The following CAST variants were observed in gnomAD, a reference collection of about 807,000 sequenced individuals.
CAST encodes MIR583 host.
Under a neutral mutation model 119.6 loss-of-function variants are expected in CAST, and 76 were observed. The observed-to-expected ratio is 0.64, with a 90% CI of 0.53 to 0.77. The LOEUF is 0.77. Ranked by LOEUF, CAST falls within the 30% of genes least tolerant of loss-of-function variation. CAST has a pLI of 0.00. For synonymous variants in CAST, 319 were observed against 331.6 expected (o/e 0.96, Z 0.41); for missense variants, 953 against 946.5 (o/e 1.01, Z -0.09).
the CAST span, among the ~76,000 whole-genome samples, chr5:96,067,748 T>G: frequency 6.6e-6 from 1 of 152,174 alleles, no homozygotes; most frequent in African/African-American, 2.4e-5. Context: ...ATGTGAGGTT[T>G]AGATTTGACT....
At chr5:96,534,714 G>GGAAGGA (rs1554066221) in intron 1 of CAST, among the ~76,000 whole-genome samples, 1 of 13,964 alleles carries the variant, frequency 7.2e-5, no homozygotes, top group African/African-American at 1.8e-4. Flanking sequence ...AAGGAAGGAA[G>GGAAGGA]GAGAGAGAGA....
chr5:96,622,415 A>G (rs546104603), intron 1 of CAST, among the ~76,000 whole-genome samples: 2 of 152,192 alleles, frequency 1.3e-5, no homozygotes, highest in Non-Finnish European at 2.9e-5. Context: ...TCAGCCTTAC[A>G]TAAAATCTGG....
At chr5:95,973,717 A>T in the CAST span, among the ~76,000 whole-genome samples, 2 of 152,282 alleles carry the variant, frequency 1.3e-5, no homozygotes, top group South Asian at 2.1e-4. Flanking sequence ...ACCCACTGTC[A>T]TGATTATTGT....
the CAST span, among the ~76,000 whole-genome samples, chr5:96,475,361 C>A: frequency 6.6e-6 from 1 of 152,318 alleles, no homozygotes; most frequent in Non-Finnish European, 1.5e-5. Flanking sequence ...AAACTAAAGT[C>A]TCTAAATCCC....
chr5:96,039,958 T>G, the CAST span, among the ~76,000 whole-genome samples: 1 of 152,186 alleles, frequency 6.6e-6, no homozygotes, highest in East Asian at 1.9e-4. Flanking sequence ...TAAATTACTT[T>G]GGGCAGTAAG....
At chr5:96,091,504 C>CTTTTT in the CAST span, among the ~76,000 whole-genome samples, 3 of 98,542 alleles carry the variant, frequency 3.0e-5, no homozygotes, top group Non-Finnish European at 5.7e-5. Context: ...CATGCCTGGC[C>CTTTTT]TTTTTTTTTT....
chr5:96,506,528 A>G, the CAST span, among the ~76,000 whole-genome samples: 1 of 152,208 alleles, frequency 6.6e-6, no homozygotes, highest in East Asian at 1.9e-4. Context: ...TATGTAGGGA[A>G]CTGTCTCACT....
At chr5:96,018,934 C>T in the CAST span, among the ~76,000 whole-genome samples, 4 of 152,148 alleles carry the variant, frequency 2.6e-5, no homozygotes, top group Non-Finnish European at 5.9e-5. Context: ...ATCATTCATA[C>T]GTTTCCAGTG....
chr5:96,566,298 C>T (rs1746468478), intron 1 of CAST, among the ~76,000 whole-genome samples: 1 of 152,180 alleles, frequency 6.6e-6, no homozygotes, highest in Non-Finnish European at 1.5e-5. Flanking sequence ...ATATATTAGA[C>T]TTGTTGATTC....
the CAST span, among the ~76,000 whole-genome samples, chr5:96,514,523 C>A: frequency 1.3e-5 from 2 of 151,968 alleles, no homozygotes; most frequent in Non-Finnish European, 2.9e-5. Context: ...GAGAGAGAAC[C>A]CAATCTTACT....
the CAST span, among the ~76,000 whole-genome samples, chr5:96,270,555 G>A: frequency 8.1e-3 from 1,233 of 152,196 alleles, 13 homozygotes; most frequent in African/African-American, 0.029. Context: ...TGTTCTTTGC[G>A]GGGACATGGA....
the CAST span, among the ~76,000 whole-genome samples, chr5:96,053,403 A>G: frequency 5.3e-5 from 8 of 152,180 alleles, no homozygotes; most frequent in African/African-American, 1.7e-4. Flanking sequence ...TTGGCACCTT[A>G]TCTCCTAAAA....
chr5:96,727,566 T>A, intron 6 of CAST, 36 bp downstream of exon 6: 1 of 1,343,980 alleles, frequency 7.4e-7, no homozygotes, highest in South Asian at 1.3e-5. Flanking sequence ...GTTATTTGGA[T>A]TCTTTTTAAT....
chr5:96,099,051 C>A, the CAST span, among the ~76,000 whole-genome samples: 2 of 152,076 alleles, frequency 1.3e-5, no homozygotes, highest in South Asian at 2.1e-4. Flanking sequence ...CCCTAGTGAG[C>A]TGTATTCCTA....
At chr5:96,167,613 C>A in the CAST span, among the ~76,000 whole-genome samples, 1 of 152,132 alleles carries the variant, frequency 6.6e-6, no homozygotes, top group Admixed American at 6.5e-5. Context: ...ATACCAAGAG[C>A]CTGAAAAACT....
intron 1 of CAST, among the ~76,000 whole-genome samples, chr5:96,670,690 G>T (rs1294010309): frequency 6.6e-6 from 1 of 152,180 alleles, no homozygotes; most frequent in Non-Finnish European, 1.5e-5. Context: ...TAGAGACAGG[G>T]TTTTACCATA....
intron 1 of CAST, among the ~76,000 whole-genome samples, chr5:96,534,751 A>AGAG (rs1745761044): frequency 1.6e-4 from 4 of 24,350 alleles, no homozygotes; most frequent in Middle Eastern, 0.021. Flanking sequence ...GAAAGAAAGA[A>AGAG]AGAAAGAAAG....
At chr5:96,335,404 C>A in the CAST span, among the ~76,000 whole-genome samples, 1 of 152,152 alleles carries the variant, frequency 6.6e-6, no homozygotes, top group Non-Finnish European at 1.5e-5. Context: ...CTTGTGTGCA[C>A]CACTCACTCT....
the CAST span, among the ~76,000 whole-genome samples, chr5:96,412,752 G>GTTTTTTTTTTGTTGTTTTTT: frequency 2.8e-5 from 2 of 71,832 alleles, no homozygotes; most frequent in African/African-American, 1.8e-4. Flanking sequence ...CAGCTGTGAT[G>GTTTTTTTTTTGTTGTTTTTT]TTTTTTTTTT....
Sources: allele counts gnomAD v4.1 joint callset (sites outside exome capture counted in the v4.1 genomes callset), GRCh38; gene constraint gnomAD v4.1.1; transcripts MANE v1.5; gene names NCBI Gene and HGNC (gene_info 2026-07-23, HGNC 2026-07-21).